Variants in SCHIP1 observed in about 807,000 individuals in gnomAD.
SCHIP1 encodes schwannomin interacting protein 1, also known as schwannomin-interacting protein 1.
SCHIP1 carries 8 observed loss-of-function variants against 29.7 expected under a neutral mutation model. The ratio of observed to expected loss-of-function variants is 0.27; its 90% CI spans 0.16 to 0.49. SCHIP1 has a LOEUF of 0.49. Ranked by LOEUF, SCHIP1 falls within the 20% of genes least tolerant of loss-of-function variation. SCHIP1 has a pLI of 0.99. For missense variants in SCHIP1, 193 were observed against 294.6 expected (o/e 0.66, Z 2.52); for synonymous variants, 76 against 94.9 (o/e 0.80, Z 1.16).
chr3:159,888,608 C>T, intron 4 of SCHIP1: 1 of 478,796 alleles, frequency 2.1e-6, no homozygotes. Context: ...GCTTTTGATG[C>T]TGGTAGTGTT....
At chr3:159,654,461 A>C in the SCHIP1 span, among the ~76,000 whole-genome samples, 1 of 152,138 alleles carries the variant, frequency 6.6e-6, no homozygotes, top group Non-Finnish European at 1.5e-5. Flanking sequence ...GTCTTTTTCA[A>C]GTCTAACATT....
At chr3:159,370,779 A>G in the SCHIP1 span, among the ~76,000 whole-genome samples, 1 of 151,838 alleles carries the variant, frequency 6.6e-6, no homozygotes, top group African/African-American at 2.4e-5. Context: ...GGTCCCCTGG[A>G]CTCCAGAATT....
At chr3:159,716,724 C>A in the SCHIP1 span, among the ~76,000 whole-genome samples, 1 of 152,154 alleles carries the variant, frequency 6.6e-6, no homozygotes, top group South Asian at 2.1e-4. Flanking sequence ...TACAGGAGCA[C>A]CCAGATTCGT....
chr3:159,448,278 C>G, the SCHIP1 span, among the ~76,000 whole-genome samples: 2 of 152,102 alleles, frequency 1.3e-5, no homozygotes, highest in African/African-American at 4.8e-5. Context: ...CGAGACCATC[C>G]TGGCTAACAT....
the SCHIP1 span, among the ~76,000 whole-genome samples, chr3:159,617,012 G>A: frequency 6.6e-6 from 1 of 152,214 alleles, no homozygotes; most frequent in Non-Finnish European, 1.5e-5. Flanking sequence ...TATAGATGGG[G>A]AATATTTCCA....
chr3:159,612,180 G>C, the SCHIP1 span, among the ~76,000 whole-genome samples: 1 of 151,814 alleles, frequency 6.6e-6, no homozygotes, highest in South Asian at 2.1e-4. Context: ...GGCCATAAGA[G>C]AAAAACTCAT....
the SCHIP1 span, among the ~76,000 whole-genome samples, chr3:159,578,347 T>C: frequency 0.15 from 22,284 of 152,142 alleles, 2,000 homozygotes; most frequent in African/African-American, 0.24. Flanking sequence ...AAATAAGCCA[T>C]CTTTTAATCT....
chr3:159,533,479 G>A, the SCHIP1 span, among the ~76,000 whole-genome samples: 1 of 152,030 alleles, frequency 6.6e-6, no homozygotes, highest in Admixed American at 6.6e-5. Flanking sequence ...CATTATTTTG[G>A]GTTTTTTTCT....
At chr3:159,874,155 T>C (rs952942743) in intron 2 of SCHIP1, among the ~76,000 whole-genome samples, 1 of 152,210 alleles carries the variant, frequency 6.6e-6, no homozygotes, top group African/African-American at 2.4e-5. Flanking sequence ...CGAAATAAAT[T>C]TGATTCTCAC....
chr3:159,472,499 C>T, the SCHIP1 span, among the ~76,000 whole-genome samples: 3 of 152,240 alleles, frequency 2.0e-5, no homozygotes, highest in Admixed American at 2.0e-4. Context: ...GCTATATTGC[C>T]TGAGTCGGCT....
chr3:159,688,779 G>A, the SCHIP1 span, among the ~76,000 whole-genome samples: 1 of 152,152 alleles, frequency 6.6e-6, no homozygotes, highest in South Asian at 2.1e-4. Flanking sequence ...TTTGTATAAA[G>A]CGTAAGGAAA....
At chr3:159,683,024 C>T in the SCHIP1 span, among the ~76,000 whole-genome samples, 5 of 152,104 alleles carry the variant, frequency 3.3e-5, no homozygotes, top group Non-Finnish European at 7.4e-5. Context: ...CATCTCAAAC[C>T]TATTGACTCA....
the SCHIP1 span, among the ~76,000 whole-genome samples, chr3:159,539,134 T>C: frequency 1.3e-5 from 2 of 152,142 alleles, no homozygotes. Flanking sequence ...AAAGATGGCA[T>C]ATTAGAGAAC....
At chr3:159,273,558 A>G in the SCHIP1 span, 1 of 1,239,572 alleles carries the variant, frequency 8.1e-7, no homozygotes. Context: ...CACTGGCAAA[A>G]ATCAGCAAAC....
the SCHIP1 span, among the ~76,000 whole-genome samples, chr3:159,336,067 T>A: frequency 6.6e-6 from 1 of 152,204 alleles, no homozygotes; most frequent in South Asian, 2.1e-4. Context: ...CTTATTGTGG[T>A]TTTGATTTGC....
chr3:159,863,900 G>A (rs1440192285), intron 1 of SCHIP1, among the ~76,000 whole-genome samples: 10 of 151,972 alleles, frequency 6.6e-5, no homozygotes, highest in Admixed American at 6.6e-4. Context: ...TGGAATCAAG[G>A]GTATATTCAC....
chr3:159,294,034 T>C, the SCHIP1 span, among the ~76,000 whole-genome samples: 3 of 152,168 alleles, frequency 2.0e-5, no homozygotes, highest in African/African-American at 7.2e-5. Context: ...TCTTAGGTGC[T>C]ATGTAACTAT....
chr3:159,764,767 C>T, the SCHIP1 span: 2 of 1,570,990 alleles, frequency 1.3e-6, no homozygotes, highest in Non-Finnish European at 1.7e-6. The surrounding 1 kb of genome is among the most constrained non-coding windows in gnomAD (Gnocchi z 6.1). Flanking sequence ...CGCCAGGACC[C>T]GCAGCGGCGG....
the SCHIP1 span, among the ~76,000 whole-genome samples, chr3:159,655,753 G>A: frequency 6.6e-6 from 1 of 152,198 alleles, no homozygotes; most frequent in Non-Finnish European, 1.5e-5. Flanking sequence ...GCTAGGCATA[G>A]TGGAAGGTGC....
Sources: allele counts gnomAD v4.1 joint callset (sites outside exome capture counted in the v4.1 genomes callset), GRCh38; gene constraint gnomAD v4.1.1; non-coding constraint Gnocchi (gnomAD v3.1); transcripts MANE v1.5; gene names NCBI Gene and HGNC (gene_info 2026-07-23, HGNC 2026-07-21).